Variants in UGT2A3 observed in about 807,000 individuals in gnomAD.
The protein encoded by UGT2A3 is UDP glucuronosyltransferase family 2 member A3.
Under a neutral mutation model 44.1 loss-of-function variants are expected in UGT2A3, and 55 were observed. That is an observed-to-expected ratio of 1.25 (90% confidence interval 1.00 to 1.56). UGT2A3 has a LOEUF of 1.56. Among genes scored for constraint, UGT2A3 ranks in the 40% most tolerant of loss-of-function variants. The pLI, the probability that UGT2A3 is intolerant of heterozygous loss-of-function variation, is 0.00. For missense variants in UGT2A3, 733 were observed against 621.6 expected, an observed-to-expected ratio of 1.18 and a Z score of -1.91; for synonymous variants, 243 against 215.1, an observed-to-expected ratio of 1.13 and a Z score of -1.13.
At chr4:68,932,790 G>C in intron 2 of UGT2A3, 31 bp from the exon 3 acceptor site, 1 of 1,570,258 alleles carries the variant, frequency 6.4e-7, no homozygotes, top group Middle Eastern at 1.7e-4. Flanking sequence ...GCATTACAGA[G>C]GCATAATATA....
intron 2 of UGT2A3, among the ~76,000 whole-genome samples, chr4:68,940,207 CA>C (rs1372975866): frequency 6.6e-6 from 1 of 152,080 alleles, no homozygotes; most frequent in Non-Finnish European, 1.5e-5. Flanking sequence ...GGTATGTACA[CA>C]AAGGATAGTA....
At chr4:68,931,040 A>C in intron 4 of UGT2A3, 115 bp downstream of exon 4, 1 of 857,160 alleles carries the variant, frequency 1.2e-6, no homozygotes, top group Non-Finnish European at 1.8e-6. Context: ...CTGCTTCAAA[A>C]GAGTAAGTAA....
In UGT2A3 at chr4:68,951,719, C is replaced by A. The variant is rs573229517; in HGVS notation, c.42G>T (p.Gln14His). The A allele has an allele frequency of 4.4e-6, 7 of 1,605,524 alleles. No homozygotes were observed. The Admixed American group carries it at 1.2e-4, about 27-fold the overall frequency. Residue 14 changes from glutamine to histidine, a missense_variant, in exon 1 of 6, where the codon CAG becomes CAT. Physicochemically the swap from Gln to His is conservative, Grantham distance 24 (BLOSUM62 0). Coordinates refer to ENST00000251566, the MANE Select transcript of UGT2A3 (RefSeq NM_024743.4). The stretch of plus-strand genomic sequence containing the variant: ...AGAATCCACAGCCAACACAGAAGAG[C>A]TGCAGGAGCAGAAATACCAAAGCTG... Reference protein sequence around the residue: ...DKSALVFLLLQLFCVGCGFCG... With the variant: ...DKSALVFLLLHLFCVGCGFCG...
At chr4:68,936,706 T>A (rs1015475721) in intron 2 of UGT2A3, among the ~76,000 whole-genome samples, 2 of 151,756 alleles carry the variant, frequency 1.3e-5, no homozygotes, top group African/African-American at 4.8e-5. Context: ...AATTCACACA[T>A]AACAATATTA....
chr4:68,933,311 A>C (rs1422340214), intron 2 of UGT2A3, among the ~76,000 whole-genome samples: 2 of 152,056 alleles, frequency 1.3e-5, no homozygotes, highest in Non-Finnish European at 2.9e-5. Context: ...TCTCCAAACC[A>C]AAATAGCATC....
intron 4 of UGT2A3, 66 bp downstream of exon 4, chr4:68,931,089 T>C (rs1164902292): frequency 2.3e-6 from 3 of 1,278,604 alleles, no homozygotes; most frequent in Admixed American, 2.2e-5. Context: ...CTGAATTTGC[T>C]TGCTGTTTAA....
rs115882984 is a variant in UGT2A3 at position 68,937,465 on chromosome 4, G to A, written c.865-4706C>T. 4.8e-3 allele frequency among the ~76,000 whole-genome samples: 724 copies of A among 152,178 alleles called. 21 individuals are homozygous for A. In the South Asian group the frequency reaches 0.06, roughly 13 times the overall value. ...GTAACCTGCACCTGAATGACTACCA[G>A]AGAAATAATAAAATGAAGGCAAAAA... is the stretch of plus-strand genomic sequence containing the variant. On this transcript the variant is annotated intron_variant, in intron 2 of 5. Coordinates refer to ENST00000251566, the MANE Select transcript of UGT2A3 (RefSeq NM_024743.4).
chr4:68,946,813 T>G (rs570707074), intron 1 of UGT2A3, among the ~76,000 whole-genome samples: 5 of 151,798 alleles, frequency 3.3e-5, no homozygotes, highest in Non-Finnish European at 7.4e-5. Context: ...GCCAATAAAG[T>G]GATTCACACA....
At chr4:68,938,921 C>T (rs1241700821) in intron 2 of UGT2A3, among the ~76,000 whole-genome samples, 4 of 151,344 alleles carry the variant, frequency 2.6e-5, no homozygotes, top group African/African-American at 9.7e-5. Context: ...GACAAACAGC[C>T]AAATCATGAT....
In UGT2A3 at chr4:68,939,849, A is replaced by G. The variant is rs147462946; in HGVS notation, c.864+5457T>C. Reference sequence around the variant, plus strand: ...CTACAATGAACTTAAACAAATTTACAGGAAAAAAACAAACAACTCCATTGA... The same window carrying G: ...CTACAATGAACTTAAACAAATTTACGGGAAAAAAACAAACAACTCCATTGA... On this transcript the variant is annotated intron_variant, in intron 2 of 5. Coordinates refer to ENST00000251566, the MANE Select transcript of UGT2A3 (RefSeq NM_024743.4). Among the ~76,000 whole-genome samples, 735 of 152,252 alleles carry G rather than the reference A, an allele frequency of 4.8e-3. 35 individuals carry two copies. In the East Asian group the frequency reaches 0.13, roughly 26 times the overall value.
intron 1 of UGT2A3, among the ~76,000 whole-genome samples, chr4:68,950,438 A>C (rs1718539154): frequency 6.6e-6 from 1 of 151,926 alleles, no homozygotes; most frequent in Non-Finnish European, 1.5e-5. Flanking sequence ...GATCACAACT[A>C]TATGAAAATT....
intron 2 of UGT2A3, among the ~76,000 whole-genome samples, chr4:68,944,523 T>C (rs1313866697): frequency 6.6e-5 from 10 of 151,838 alleles, no homozygotes; most frequent in Middle Eastern, 3.2e-3. Flanking sequence ...CCTTGAACTA[T>C]AAATTTTTTC....
At position 68,929,181 on chromosome 4, in the gene UGT2A3, A is replaced by G. The variant is rs1717625570; in HGVS notation, c.*632T>C. On this transcript the variant is annotated 3_prime_UTR_variant, in exon 6 of 6. Coordinates refer to ENST00000251566, the MANE Select transcript of UGT2A3 (RefSeq NM_024743.4). Reference sequence around the variant, plus strand: ...CAATCATGAGAAAGGTCTTTTTATCATCAAGAAAACAGAAAAAAGTATTGG... The same window carrying G: ...CAATCATGAGAAAGGTCTTTTTATCGTCAAGAAAACAGAAAAAAGTATTGG... 6.6e-6 allele frequency: 1 copy of G among 152,120 alleles called. No individual in the cohort carries two copies. The highest frequency in any genetic ancestry group is 2.4e-5 in the African/African-American group (1 of 41,460). The allele number at this position is 152,120 out of a possible 1,614,324, so 9.4% of individuals were successfully genotyped here.
intron 1 of UGT2A3, among the ~76,000 whole-genome samples, 170 bp from the exon 2 acceptor site, chr4:68,945,624 A>T (rs968342594): frequency 1.9e-4 from 28 of 151,230 alleles, no homozygotes; most frequent in Non-Finnish European, 1.5e-5. Flanking sequence ...AGAAGAAAAA[A>T]GAAAGAAAGG....
intron 1 of UGT2A3, among the ~76,000 whole-genome samples, chr4:68,947,334 CTG>C (rs1718415715): frequency 6.6e-6 from 1 of 151,770 alleles, no homozygotes; most frequent in African/African-American, 2.4e-5. Context: ...TAAAAAGTAA[CTG>C]TTTAAAAAGC....
At chr4:68,945,978 T>C (rs1425840544) in intron 1 of UGT2A3, among the ~76,000 whole-genome samples, 1 of 151,646 alleles carries the variant, frequency 6.6e-6, no homozygotes, top group African/African-American at 2.4e-5. Flanking sequence ...TTTAACTTGC[T>C]GTATTGCATA....
chr4:68,931,110 T>A lies in UGT2A3; in HGVS notation c.1084+45A>T, dbSNP rs751562226. 2.2e-5 allele frequency: 32 copies of A among 1,463,634 alleles called. No homozygotes were observed. In the South Asian group the frequency reaches 2.7e-4, roughly 12 times the overall value. 90.7% of individuals were successfully genotyped at this position (1,463,634 alleles called of 1,614,324 possible). A position where few individuals can be genotyped will look rare whatever the true frequency, so the allele number is the denominator to read the frequency against. On this transcript the variant is annotated intron_variant, in intron 4 of 5. Transcript: ENST00000251566. ...TTGCTTGCTGTTTAACATTTATTCA[T>A]TTTTTCCTCGTCTAGTTCATATTTT...
At chr4:68,946,974 G>C (rs1718406007) in intron 1 of UGT2A3, among the ~76,000 whole-genome samples, 1 of 151,662 alleles carries the variant, frequency 6.6e-6, no homozygotes, top group Admixed American at 6.6e-5. Context: ...TTCAGCAAGT[G>C]AGGTTTTTTA....
chr4:68,930,963 C>T (rs1318927775), intron 4 of UGT2A3, among the ~76,000 whole-genome samples, 192 bp downstream of exon 4: 1 of 152,080 alleles, frequency 6.6e-6, no homozygotes, highest in Non-Finnish European at 1.5e-5. Flanking sequence ...TCTGAATTTC[C>T]TGTCACTCTC....
Sources: gnomAD v4.1 joint callset for allele counts (sites outside exome capture counted in the v4.1 genomes callset) on GRCh38, gnomAD v4.1.1 for gene constraint, MANE v1.5 for transcripts, NCBI Gene and HGNC (gene_info 2026-07-23, HGNC 2026-07-21) for gene names.